Variants in MEGF8 observed in about 807,000 individuals in gnomAD.
MEGF8 encodes multiple epidermal growth factor-like domains protein 8.
Under a neutral mutation model 302.9 loss-of-function variants are expected in MEGF8, and 156 were observed. The observed-to-expected ratio is 0.52, with a 90% CI of 0.45 to 0.59. MEGF8 has a LOEUF of 0.59. Ranked by LOEUF, MEGF8 falls within the 20% of genes least tolerant of loss-of-function variation. The pLI is 0.00. For missense variants in MEGF8, 3,345 were observed against 3,964.5 expected, an observed-to-expected ratio of 0.84 and a Z score of 4.20; for synonymous variants, 1,621 against 1,660.5, an observed-to-expected ratio of 0.98 and a Z score of 0.58.
Position 42,336,449 on chromosome 19 carries a change from GTC to G in MEGF8, c.1244+108_1244+109del. ...CTTTGCCCACTGTCGGACTCCTGTG[GTC>G]TCTCAGTCACTCCTTCCTTCATGTA... On this transcript the variant is annotated intron_variant, in intron 6 of 41. Transcript: ENST00000251268. This position sits in a 1 kb window ranked among gnomAD's most constrained non-coding sequence, Gnocchi z 4.8. The G allele has an allele frequency of 8.4e-7, 1 of 1,184,218 alleles. No homozygotes were observed. The highest frequency in any genetic ancestry group is 1.2e-6 in the Non-Finnish European group (1 of 869,310). 73.4% of individuals were successfully genotyped at this position (1,184,218 alleles called of 1,614,324 possible). A position where few individuals can be genotyped will look rare whatever the true frequency, so the allele number is the denominator to read the frequency against.
intron 32 of MEGF8, among the ~76,000 whole-genome samples, 185 bp downstream of exon 32, chr19:42,361,191 G>C (rs1023645154): frequency 6.6e-6 from 1 of 152,220 alleles, no homozygotes; most frequent in African/African-American, 2.4e-5. Context: ...GGGGTCTCAT[G>C]CAAGAATGCT....
chr19:42,328,512 G>A (rs1450633570), intron 1 of MEGF8, among the ~76,000 whole-genome samples: 1 of 151,340 alleles, frequency 6.6e-6, no homozygotes, highest in East Asian at 1.9e-4. Flanking sequence ...ATGTCTACCT[G>A]TTCCCAGCTT....
intron 12 of MEGF8, among the ~76,000 whole-genome samples, chr19:42,347,539 C>A (rs1458916341): frequency 4.0e-5 from 6 of 151,718 alleles, no homozygotes; most frequent in Admixed American, 2.0e-4. Flanking sequence ...GTTGCACAGG[C>A]TGGAGTGCAA....
Position 42,333,669 on chromosome 19 carries a change from C to T in MEGF8, c.252C>T (p.Asp84=), listed in dbSNP as rs773609400. 2 of 1,614,042 alleles carry T rather than the reference C, an allele frequency of 1.2e-6. No homozygotes were observed. Among genetic ancestry groups the T allele is most frequent in the Non-Finnish European group, 1.7e-6 (2 of 1,179,912 alleles). ...TCCTGGACACAGAGTGCACGTATGA[C>T]TACCTGTTCGTGTATGACGGTGACT... ...FLFLDTECTY[D]YLFVYDGDSP... The change falls in exon 2 of 42, where the codon GAC becomes GAT. Residue 84 remains aspartate (D), a synonymous_variant. Coordinates refer to ENST00000251268, the MANE Select transcript of MEGF8 (RefSeq NM_001271938.2).
At chr19:42,348,622 CAG>C (rs2039324350) in intron 13 of MEGF8, 150 bp downstream of exon 13, 1 of 773,060 alleles carries the variant, frequency 1.3e-6, no homozygotes, top group South Asian at 1.9e-5. Context: ...GTGTGTAAGA[CAG>C]AGTCTCACTC....
In MEGF8 at chr19:42,376,729, G is replaced by A. The variant is rs766621187; in HGVS notation, c.8492G>A (p.Arg2831Gln). Residue 2831 changes from arginine (R) to glutamine (Q), a missense_variant, in exon 42 of 42, where the codon CGG (arginine) becomes CAG (glutamine). Coordinates refer to ENST00000251268, the MANE Select transcript of MEGF8 (RefSeq NM_001271938.2). This position sits in a 1 kb window ranked among gnomAD's most constrained non-coding sequence, Gnocchi z 8.2. ...AGTGGGCATGGGACTGGTGCGGGCC[G>A]GAAGGGACTGTTGAGCCAGGACAAC... is the stretch of plus-strand genomic sequence containing the variant. The part of the protein sequence containing the change: ...GGSGHGTGAG[R>Q]KGLLSQDNLT... 57 of 1,480,720 alleles carry A rather than the reference G, an allele frequency of 3.8e-5. No homozygotes were observed. The Admixed American group carries it at 1.0e-3, about 27-fold the overall frequency. The allele number at this position is 1,480,720 out of a possible 1,614,324, so 91.7% of individuals were successfully genotyped here.
intron 1 of MEGF8, 71 bp downstream of exon 1, chr19:42,326,501 C>T (rs2038985713): frequency 1.4e-6 from 2 of 1,460,484 alleles, no homozygotes; most frequent in African/African-American, 1.5e-5. Context: ...ATCCACTCAC[C>T]ACATTCCCAG....
rs908722189 is a variant in MEGF8, at chr19:42,352,356, C to T, written c.3250C>T (p.Arg1084Trp). ...DVDECRLGLA[R>W]CHPRATCLNT... ...GGATGAGTGTCGCCTGGGCCTGGCC[C>T]GGTGCCACCCGCGGGCGACCTGCCT... Residue 1084 changes from arginine (R) to tryptophan (W), a missense_variant, in exon 19 of 42, where the codon CGG (arginine) becomes TGG (tryptophan). Arg to Trp is a moderately radical substitution (Grantham distance 101). Transcript: ENST00000251268. The surrounding 1 kb of genome is among the most constrained non-coding windows in gnomAD (Gnocchi z 4.4). 13 of 1,588,368 alleles carry T rather than the reference C, an allele frequency of 8.2e-6. No homozygotes were observed. Among genetic ancestry groups the T allele is most frequent in the Middle Eastern group, 1.7e-4 (1 of 6,002 alleles).
At chr19:42,348,125 A>G in intron 12 of MEGF8, 147 bp from the exon 13 acceptor site, 1 of 721,340 alleles carries the variant, frequency 1.4e-6, no homozygotes, top group Non-Finnish European at 2.2e-6. Context: ...GTGACCTTTG[A>G]CAAGCCACCT....
Position 42,362,433 on chromosome 19 carries a change from G to C in MEGF8, c.5894G>C (p.Cys1965Ser). 2 of 1,614,024 alleles carry C rather than the reference G, an allele frequency of 1.2e-6. No homozygotes were observed. The highest frequency in any genetic ancestry group is 1.7e-6 in the Non-Finnish European group (2 of 1,179,892). The change falls in exon 34 of 42, where the codon TGC (cysteine) becomes TCC (serine). Residue 1965 changes from cysteine to serine, a missense_variant. Cys to Ser is a moderately radical substitution (Grantham distance 112). Coordinates refer to ENST00000251268, the MANE Select transcript of MEGF8 (RefSeq NM_001271938.2). ...TGTACCAACTGCCCCGAAGGTGCTT[G>C]CATTGGACGCAATGGGTCCTGCACC... is the stretch of plus-strand genomic sequence containing the variant. ...KWCTNCPEGA[C>S]IGRNGSCTSE...
rs1208867920 is a variant in MEGF8, at chr19:42,369,732, C to T, written c.6834+9C>T. The stretch of plus-strand genomic sequence containing the variant: ...GCCGCAACCACACCAAGGTGGGCCG[C>T]CCGGAGCCTCAGACCCCCGACCCTG... On this transcript the variant is annotated intron_variant, in intron 38 of 41. Coordinates refer to ENST00000251268, the MANE Select transcript of MEGF8 (RefSeq NM_001271938.2). This position sits in a 1 kb window ranked among gnomAD's most constrained non-coding sequence, Gnocchi z 5.7. 12 of 1,593,530 alleles carry T rather than the reference C, an allele frequency of 7.5e-6. No homozygotes were observed. The highest frequency in any genetic ancestry group is 1.0e-5 in the Non-Finnish European group (12 of 1,171,594).
chr19:42,331,451 T>C (rs2039053451), intron 1 of MEGF8, among the ~76,000 whole-genome samples: 1 of 152,204 alleles, frequency 6.6e-6, no homozygotes, highest in Non-Finnish European at 1.5e-5. Context: ...TTCAGAAGGC[T>C]TCTCATGTGG....
Position 42,326,176 on chromosome 19 carries a change from C to T in MEGF8, c.-68C>T. 3 of 1,434,724 alleles carry T rather than the reference C, an allele frequency of 2.1e-6. No individual in the cohort carries two copies. The highest frequency in any genetic ancestry group is 1.5e-5 in the African/African-American group (1 of 67,078). 88.9% of individuals were successfully genotyped at this position (1,434,724 alleles called of 1,614,324 possible). On this transcript the variant is annotated 5_prime_UTR_variant, in exon 1 of 42. Coordinates refer to ENST00000251268, the MANE Select transcript of MEGF8 (RefSeq NM_001271938.2). ...AGGTCGCATTTGCAGGGCCTCACCC[C>T]GGGTAGAGGGTCCTCTCCAGGTTTT... is the stretch of plus-strand genomic sequence containing the variant.
chr19:42,329,443 T>C (rs2039027147), intron 1 of MEGF8, among the ~76,000 whole-genome samples: 2 of 152,128 alleles, frequency 1.3e-5, no homozygotes, highest in Non-Finnish European at 2.9e-5. Flanking sequence ...GGGGACCAAC[T>C]GGGTAGATGT....
Position 42,368,667 on chromosome 19 carries a change from G to T in MEGF8, c.6481+5G>T. ...GACTCAGCGGCCCCCGTGATGGTGA[G>T]AGGGCTTTGGGCACTGGGGGAGAGG... is the stretch of plus-strand genomic sequence containing the variant. On this transcript the variant is annotated splice_donor_5th_base_variant and intron_variant, in intron 36 of 41. Coordinates refer to ENST00000251268, the MANE Select transcript of MEGF8 (RefSeq NM_001271938.2). This position sits in a 1 kb window ranked among gnomAD's most constrained non-coding sequence, Gnocchi z 4.9. 6.5e-7 allele frequency: 1 copy of T among 1,540,806 alleles called. No individual in the cohort carries two copies.
chr19:42,344,965 A>ACAATATTG lies in MEGF8; in HGVS notation c.2097+132_2097+133insCAATATTG. ...TACATTCAAGGGTCTTATTTTCCTTATGGACTTTATTTTTTATTTTTTTTG... is the reference window on the plus strand; with the variant it reads ...TACATTCAAGGGTCTTATTTTCCTTACAATATTGTGGACTTTATTTTTTATTTTTTTTG... On this transcript the variant is annotated intron_variant, in intron 12 of 41. Coordinates refer to ENST00000251268, the MANE Select transcript of MEGF8 (RefSeq NM_001271938.2). This position sits in a 1 kb window ranked among gnomAD's most constrained non-coding sequence, Gnocchi z 4.5. 1 of 1,022,368 alleles carries ACAATATTG rather than the reference A, an allele frequency of 9.8e-7. No homozygotes were observed. Among genetic ancestry groups the ACAATATTG allele is most frequent in the Non-Finnish European group, 1.3e-6 (1 of 758,454 alleles). The allele number at this position is 1,022,368 out of a possible 1,614,324, so 63.3% of individuals were successfully genotyped here. A position where few individuals can be genotyped will look rare whatever the true frequency, so the allele number is the denominator to read the frequency against.
In MEGF8 at chr19:42,369,538, G is replaced by A. The variant is rs1376370027; in HGVS notation, c.6649G>A (p.Gly2217Arg). Residue 2217 changes from glycine (G) to arginine (R), a missense_variant, in exon 38 of 42, where the codon GGG becomes AGG. Gly to Arg is a moderately radical substitution (Grantham distance 125). Coordinates refer to ENST00000251268, the MANE Select transcript of MEGF8 (RefSeq NM_001271938.2). The surrounding 1 kb of genome is among the most constrained non-coding windows in gnomAD (Gnocchi z 5.7). ...CCCACTTTGCCCCTGCAGCATGACA[G>A]GGCTGTGCCGCCCTGTGTGCGCCCA... Reference protein sequence around the residue: ...KTGYTMDNMTGLCRPVCAQGC... With the variant: ...KTGYTMDNMTRLCRPVCAQGC... The A allele has an allele frequency of 6.2e-7, 1 of 1,607,490 alleles. No homozygotes were observed. Among genetic ancestry groups the A allele is most frequent in the Non-Finnish European group, 8.5e-7 (1 of 1,178,834 alleles).
At chr19:42,362,626 G>A (rs778681085) in intron 34 of MEGF8, 29 bp downstream of exon 34, 5 of 1,602,292 alleles carry the variant, frequency 3.1e-6, no homozygotes, top group Admixed American at 1.7e-5. Context: ...TCCTGAGAGG[G>A]GAGTCTTGGG....
In MEGF8 at chr19:42,357,093, GA is replaced by G; in HGVS notation, c.4830+114del. ...CAGAGGAAACAGAAGCCCCAAACTT[GA>G]ATTTCCTCGGCCATCCTGGGTCACA... On this transcript the variant is annotated intron_variant, in intron 27 of 41. Transcript: ENST00000251268. This position sits in a 1 kb window ranked among gnomAD's most constrained non-coding sequence, Gnocchi z 5.2. 8.5e-7 allele frequency: 1 copy of G among 1,172,354 alleles called. No homozygotes were observed. Among genetic ancestry groups the G allele is most frequent in the Non-Finnish European group, 1.2e-6 (1 of 848,124 alleles). The allele number at this position is 1,172,354 out of a possible 1,614,324, so 72.6% of individuals were successfully genotyped here.
Sources: allele counts gnomAD v4.1 joint callset (sites outside exome capture counted in the v4.1 genomes callset), GRCh38; gene constraint gnomAD v4.1.1; non-coding constraint Gnocchi (gnomAD v3.1); transcripts MANE v1.5; gene names NCBI Gene and HGNC (gene_info 2026-07-23, HGNC 2026-07-21).